GRID2: variants seen among roughly 807,000 people sequenced by gnomAD.
GRID2 encodes glutamate receptor ionotropic, delta-2.
In GRID2, 33 loss-of-function variants were observed where a neutral mutation model predicts 114.8. The observed-to-expected ratio is 0.29, with a 90% CI of 0.22 to 0.38. The LOEUF is 0.38. Among genes scored for constraint, GRID2 ranks in the 10% least tolerant of loss-of-function variants. The pLI is 1.00. For missense variants in GRID2, 1,184 were observed against 1,257.7 expected, an observed-to-expected ratio of 0.94 and a Z score of 0.89; for synonymous variants, 505 against 449.9, an observed-to-expected ratio of 1.12 and a Z score of -1.55.
chr4:93,304,579 C>T (rs935296792), intron 8 of GRID2, among the ~76,000 whole-genome samples: 33 of 151,980 alleles, frequency 2.2e-4, no homozygotes, highest in Non-Finnish European at 4.3e-4. Flanking sequence ...ATACCAGTTT[C>T]AGCAAAAGAA....
chr4:92,537,784 G>GGGGTGT (rs560095688), intron 1 of GRID2, among the ~76,000 whole-genome samples: 20 of 126,008 alleles, frequency 1.6e-4, no homozygotes, highest in African/African-American at 2.2e-4. Context: ...AAAAACTTGC[G>GGGGTGT]GTGTGTGTGT....
chr4:93,152,833 C>T (rs1359035941), intron 4 of GRID2, among the ~76,000 whole-genome samples: 8 of 151,900 alleles, frequency 5.3e-5, no homozygotes, highest in East Asian at 3.9e-4. Flanking sequence ...CAAAGGTGTT[C>T]GGCAGTTATA....
chr4:92,557,239 A>G (rs1001504611), intron 1 of GRID2, among the ~76,000 whole-genome samples: 6 of 152,006 alleles, frequency 3.9e-5, no homozygotes, highest in Admixed American at 6.6e-5. Flanking sequence ...CTACACAAGT[A>G]ACCAGATTTT....
chr4:92,969,245 G>C (rs1753343270), intron 2 of GRID2, among the ~76,000 whole-genome samples: 1 of 151,614 alleles, frequency 6.6e-6, no homozygotes, highest in East Asian at 2.0e-4. Flanking sequence ...ATGTCAAGCA[G>C]AAGTCACCAT....
intron 11 of GRID2, among the ~76,000 whole-genome samples, chr4:93,465,186 A>G (rs1724149211): frequency 6.6e-6 from 1 of 152,208 alleles, no homozygotes; most frequent in Admixed American, 6.5e-5. Flanking sequence ...ATATCCTGCT[A>G]TTTAGCGTAC....
At chr4:92,959,626 C>T (rs1203071360) in intron 2 of GRID2, among the ~76,000 whole-genome samples, 1 of 152,030 alleles carries the variant, frequency 6.6e-6, no homozygotes, top group East Asian at 1.9e-4. Flanking sequence ...CAATTATAGA[C>T]TGGATAAATA....
intron 2 of GRID2, among the ~76,000 whole-genome samples, chr4:92,962,069 A>G (rs559299434): frequency 5.3e-5 from 8 of 152,002 alleles, no homozygotes; most frequent in East Asian, 1.9e-4. Context: ...CTGTTCTTAC[A>G]TGCTGTCTCC....
chr4:93,803,500 G>A (rs2110368969), intron 1 of GRID2, among the ~76,000 whole-genome samples: 1 of 152,190 alleles, frequency 6.6e-6, no homozygotes, highest in Admixed American at 6.5e-5. Flanking sequence ...AAGATGGGCG[G>A]ATCACAAGGT....
At chr4:92,877,641 T>C (rs896268567) in intron 2 of GRID2, among the ~76,000 whole-genome samples, 1 of 152,152 alleles carries the variant, frequency 6.6e-6, no homozygotes, top group Non-Finnish European at 1.5e-5. Context: ...ATAACCAGGC[T>C]ACAATCAGGA....
intron 13 of GRID2, among the ~76,000 whole-genome samples, chr4:93,611,265 G>C (rs1273007601): frequency 2.7e-5 from 3 of 109,582 alleles, no homozygotes; most frequent in East Asian, 4.5e-4. Context: ...CAAAAAACCA[G>C]CTCCTGGATT....
At chr4:92,548,996 G>A (rs1168139317) in intron 1 of GRID2, among the ~76,000 whole-genome samples, 1 of 151,902 alleles carries the variant, frequency 6.6e-6, no homozygotes, top group Non-Finnish European at 1.5e-5. Flanking sequence ...CTCTAACATT[G>A]GGGATTACAA....
chr4:93,331,034 T>C (rs1758370421), intron 8 of GRID2, among the ~76,000 whole-genome samples: 1 of 152,000 alleles, frequency 6.6e-6, no homozygotes. Context: ...TATCAGATCA[T>C]TTGTCTTCTC....
rs1765223442 is a variant in GRID2, at chr4:93,395,286, A to C, written c.1246-321A>C. On this transcript the variant is annotated intron_variant, in intron 8 of 15. Coordinates refer to ENST00000282020, the MANE Select transcript of GRID2 (RefSeq NM_001510.4). ...TATATTAAAAAAGACATTATGTTAGAGTTATATGTGCTATTATTTTTCCAA... is the reference window on the plus strand; with the variant it reads ...TATATTAAAAAAGACATTATGTTAGCGTTATATGTGCTATTATTTTTCCAA... Among the ~76,000 whole-genome samples, 6 of 151,972 alleles carry C rather than the reference A, an allele frequency of 3.9e-5. No individual in the cohort carries two copies. The Admixed American group carries it at 3.9e-4, about 10-fold the overall frequency.
intron 1 of GRID2, among the ~76,000 whole-genome samples, chr4:92,550,355 G>C (rs975918392): frequency 6.6e-6 from 1 of 152,088 alleles, no homozygotes; most frequent in African/African-American, 2.4e-5. Flanking sequence ...TACATATTTA[G>C]TTTATAATAG....
intron 2 of GRID2, among the ~76,000 whole-genome samples, chr4:93,038,469 A>G (rs1439572844): frequency 1.3e-5 from 2 of 152,170 alleles, no homozygotes; most frequent in Non-Finnish European, 2.9e-5. Context: ...ATACCATCTT[A>G]TGCCAGTTAG....
chr4:93,676,735 TA>T (rs201267401), intron 14 of GRID2, among the ~76,000 whole-genome samples: 1,677 of 80,730 alleles, frequency 0.021, 29 homozygotes, highest in African/African-American at 0.064. Context: ...ATAATGAAAT[TA>T]AAAAAAAAAG....
chr4:93,392,729 T>C (rs1394728240), intron 8 of GRID2, among the ~76,000 whole-genome samples: 2 of 152,038 alleles, frequency 1.3e-5, no homozygotes, highest in African/African-American at 4.8e-5. Flanking sequence ...TCGTTGACTA[T>C]AAAGTAGAAA....
At chr4:93,670,627 C>A (rs954033605) in intron 14 of GRID2, among the ~76,000 whole-genome samples, 12 of 152,174 alleles carry the variant, frequency 7.9e-5, no homozygotes, top group African/African-American at 2.9e-4. Flanking sequence ...AGGGGTCCTA[C>A]GGTGCATCAG....
chr4:92,656,822 G>T (rs1337568043), intron 2 of GRID2, among the ~76,000 whole-genome samples: 1 of 151,696 alleles, frequency 6.6e-6, no homozygotes, highest in Non-Finnish European at 1.5e-5. Context: ...AGCAATTAGA[G>T]TAATTTTATA....
Sources: gnomAD v4.1 joint callset for allele counts (sites outside exome capture counted in the v4.1 genomes callset) on GRCh38, gnomAD v4.1.1 for gene constraint, MANE v1.5 for transcripts, NCBI Gene and HGNC (gene_info 2026-07-23, HGNC 2026-07-21) for gene names.